Variants in TRPC4 observed in about 807,000 individuals in gnomAD.
TRPC4 encodes transient receptor potential cation channel subfamily C member 4.
A neutral mutation model predicts 99.4 loss-of-function variants in TRPC4; 49 were observed. The ratio of observed to expected loss-of-function variants is 0.49; its 90% confidence interval spans 0.39 to 0.63. The LOEUF is 0.63. Ranked by LOEUF, TRPC4 falls within the 20% of genes least tolerant of loss-of-function variation. TRPC4 has a pLI of 0.00. For missense variants in TRPC4, 898 were observed against 1,152.9 expected (o/e 0.78, Z 3.20); for synonymous variants, 454 against 425.9 (o/e 1.07, Z -0.81).
intron 2 of TRPC4, among the ~76,000 whole-genome samples, chr13:37,772,932 C>G (rs188575634): frequency 5.2e-4 from 79 of 151,858 alleles, no homozygotes; most frequent in African/African-American, 1.7e-3. Flanking sequence ...CTCGCCTCCC[C>G]CTTCCCAGAA....
chr13:37,754,697 C>G (rs1168508612), intron 2 of TRPC4, among the ~76,000 whole-genome samples: 3 of 152,052 alleles, frequency 2.0e-5, no homozygotes, highest in Admixed American at 2.0e-4. Context: ...GTGTAACTAA[C>G]CATAAGGTTG....
At chr13:37,647,204 G>A (rs1951880904) in intron 8 of TRPC4, among the ~76,000 whole-genome samples, 1 of 152,276 alleles carries the variant, frequency 6.6e-6, no homozygotes, top group Admixed American at 6.5e-5. Context: ...TGAATGGAAT[G>A]AGCAGCAGGG....
intron 3 of TRPC4, among the ~76,000 whole-genome samples, chr13:37,721,683 A>G (rs1442907522): frequency 1.3e-5 from 2 of 152,228 alleles, no homozygotes; most frequent in African/African-American, 4.8e-5. Flanking sequence ...ATAACTTAGA[A>G]TACAGACTTT....
rs557766828 is a variant in TRPC4, at chr13:37,788,125, T to C, written c.-27-4765A>G. 1.1e-4 allele frequency among the ~76,000 whole-genome samples: 17 copies of C among 152,214 alleles called. No individual in the cohort carries two copies. The East Asian group carries it at 2.9e-3, about 26-fold the overall frequency. ...GCATCAATCTATTACTCTTTCCCTC[T>C]GATTTCAAAAGAAAAGATGTTCTTT... is the stretch of plus-strand genomic sequence containing the variant. On this transcript the variant is annotated intron_variant, in intron 1 of 10. Coordinates refer to ENST00000379705, the MANE Select transcript of TRPC4 (RefSeq NM_016179.4).
intron 3 of TRPC4, among the ~76,000 whole-genome samples, chr13:37,710,360 G>C (rs745707723): frequency 6.6e-6 from 1 of 151,852 alleles, no homozygotes; most frequent in African/African-American, 2.4e-5. Context: ...AAAGTAAATA[G>C]AGGAATGCAC....
chr13:37,673,545 G>A (rs1224090024), intron 5 of TRPC4, among the ~76,000 whole-genome samples: 1 of 151,830 alleles, frequency 6.6e-6, no homozygotes, highest in African/African-American at 2.4e-5. Flanking sequence ...AGGGGGAAAA[G>A]GAAAATCAGT....
intron 1 of TRPC4, among the ~76,000 whole-genome samples, chr13:37,813,029 C>A (rs1482140651): frequency 1.3e-5 from 2 of 151,646 alleles, no homozygotes; most frequent in South Asian, 4.2e-4. Flanking sequence ...GAATTTTATA[C>A]CCACCCAAAA....
chr13:37,867,468 A>C, intron 1 of TRPC4, among the ~76,000 whole-genome samples: 1 of 141,400 alleles, frequency 7.1e-6, no homozygotes, highest in East Asian at 2.0e-4. Context: ...GTTTTAATTC[A>C]GTGGGGTTAA....
chr13:37,665,223 A>C (rs1388833140), intron 5 of TRPC4, among the ~76,000 whole-genome samples: 1 of 152,142 alleles, frequency 6.6e-6, no homozygotes, highest in Non-Finnish European at 1.5e-5. Flanking sequence ...CTCTCTTAAA[A>C]GACACACATA....
At chr13:37,759,961 T>C (rs1451046672) in intron 2 of TRPC4, among the ~76,000 whole-genome samples, 3 of 152,020 alleles carry the variant, frequency 2.0e-5, no homozygotes, top group Admixed American at 2.0e-4. Flanking sequence ...TAGAAACATA[T>C]TCTTGTGTGA....
intron 1 of TRPC4, among the ~76,000 whole-genome samples, chr13:37,851,052 G>GA (rs1959039935): frequency 1.3e-5 from 2 of 152,196 alleles, no homozygotes; most frequent in African/African-American, 4.8e-5. Context: ...ACACAAATGA[G>GA]AAGATAAAAT....
At chr13:37,813,510 A>G (rs1185868760) in intron 1 of TRPC4, among the ~76,000 whole-genome samples, 1 of 151,808 alleles carries the variant, frequency 6.6e-6, no homozygotes, top group Admixed American at 6.6e-5. Flanking sequence ...GGGAAAAAAA[A>G]GAGAAGATGC....
intron 1 of TRPC4, among the ~76,000 whole-genome samples, chr13:37,795,918 C>T (rs1377458328): frequency 6.6e-6 from 1 of 152,072 alleles, no homozygotes; most frequent in Non-Finnish European, 1.5e-5. Context: ...TTAATAACTC[C>T]CTCACGGTCA....
At chr13:37,796,471 C>A (rs935848406) in intron 1 of TRPC4, among the ~76,000 whole-genome samples, 2 of 152,216 alleles carry the variant, frequency 1.3e-5, no homozygotes, top group East Asian at 3.9e-4. Context: ...TACTGAATGG[C>A]CATTCAGTTT....
chr13:37,713,786 T>G (rs1353511049), intron 3 of TRPC4, among the ~76,000 whole-genome samples: 5 of 152,168 alleles, frequency 3.3e-5, no homozygotes, highest in Non-Finnish European at 7.3e-5. Flanking sequence ...AGGAATCACT[T>G]ACTGATCCTA....
At chr13:37,697,775 T>C (rs1318853059) in intron 3 of TRPC4, among the ~76,000 whole-genome samples, 1 of 152,212 alleles carries the variant, frequency 6.6e-6, no homozygotes, top group African/African-American at 2.4e-5. Flanking sequence ...ATGATTCCTA[T>C]GAATGTTAAA....
intron 1 of TRPC4, among the ~76,000 whole-genome samples, chr13:37,868,494 C>A (rs1959923766): frequency 6.6e-6 from 1 of 152,116 alleles, no homozygotes; most frequent in African/African-American, 2.4e-5. Flanking sequence ...AACCAAAAAA[C>A]CCTCCAGTAA....
In TRPC4 at chr13:37,633,859, C is replaced by G. The variant is rs1462615110; in HGVS notation, c.*3044G>C. On this transcript the variant is annotated 3_prime_UTR_variant, in exon 11 of 11. Coordinates refer to ENST00000379705, the MANE Select transcript of TRPC4 (RefSeq NM_016179.4). ...ATTCACCCCATTTTAAAAAATATAG[C>G]CAATTTCCTTACTGAAGTTAATATA... 6.6e-6 allele frequency among the ~76,000 whole-genome samples: 1 copy of G among 151,930 alleles called. No individual in the cohort carries two copies. Among genetic ancestry groups the G allele is most frequent in the Admixed American group, 6.6e-5 (1 of 15,224 alleles).
At chr13:37,731,857 T>C (rs1955249319) in intron 3 of TRPC4, among the ~76,000 whole-genome samples, 1 of 152,106 alleles carries the variant, frequency 6.6e-6, no homozygotes, top group South Asian at 2.1e-4. Context: ...CTACTATTTC[T>C]TTTTTCTTTC....
Sources: allele counts gnomAD v4.1 joint callset (sites outside exome capture counted in the v4.1 genomes callset), GRCh38; gene constraint gnomAD v4.1.1; transcripts MANE v1.5; gene names NCBI Gene and HGNC (gene_info 2026-07-23, HGNC 2026-07-21).